CFAP47: variants seen among roughly 807,000 people sequenced by gnomAD.
The protein encoded by CFAP47 is cilia and flagella associated protein 47, also known as cilia- and flagella-associated protein 47.
Under a neutral mutation model 148.1 loss-of-function variants are expected in CFAP47, and 29 were observed. The observed-to-expected ratio is 0.20, with a 90% CI of 0.15 to 0.27. CFAP47 has a LOEUF of 0.27. Ranked by LOEUF, CFAP47 falls within the 10% of genes least tolerant of loss-of-function variation. The probability of loss-of-function intolerance (pLI) is 1.00; values close to 1 mark genes in which losing one functional copy is unlikely to be tolerated. For missense variants in CFAP47, 1,872 were observed against 1,697.5 expected (o/e 1.10, Z -1.81); for synonymous variants, 664 against 577.3 (o/e 1.15, Z -2.15).
chrX:36,229,879 C>T lies in CFAP47; in HGVS notation c.7014+1055C>T, dbSNP rs371949912. Among the ~76,000 whole-genome samples, 435 of 97,171 alleles carry T rather than the reference C, an allele frequency of 4.5e-3. 4 individuals are homozygous for T. The East Asian group carries it at 0.05, about 11-fold the overall frequency. 84.4% of individuals were successfully genotyped at this position (97,171 alleles called of 115,157 possible). ...TGCGGTGTTTGGTTTTTTGTTCTTG[C>T]GATAGTTTACTGAGAATGATGATTT... On this transcript the variant is annotated intron_variant, in intron 46 of 63. Coordinates refer to ENST00000378653, the MANE Select transcript of CFAP47 (RefSeq NM_001304548.2).
chrX:36,190,676 C>A (rs1398586771), intron 42 of CFAP47, among the ~76,000 whole-genome samples: 2 of 111,660 alleles, frequency 1.8e-5, no homozygotes, highest in Admixed American at 9.6e-5. Context: ...AAATTCATTT[C>A]CTTATGTCTC....
At chrX:36,081,451 C>T (rs943578191) in intron 29 of CFAP47, among the ~76,000 whole-genome samples, 2 of 111,304 alleles carry the variant, frequency 1.8e-5, no homozygotes, top group African/African-American at 6.5e-5. Context: ...TGATTCTATT[C>T]CAAAAAATCA....
Position 36,301,193 on chromosome X carries a change from A to G in CFAP47, c.7970+14A>G. The G allele has an allele frequency of 1.0e-6, 1 of 977,018 alleles. No homozygotes were observed. Among genetic ancestry groups the G allele is most frequent in the South Asian group, 2.2e-5 (1 of 45,533 alleles). The allele number at this position is 977,018 out of a possible 1,213,427, so 80.5% of individuals were successfully genotyped here. ...CGACCTTGGCAAGTAAGTTCTACTT[A>G]ATAGATAAAGTTATTGCTTGCAAGA... On this transcript the variant is annotated intron_variant, in intron 53 of 63. Coordinates refer to ENST00000378653, the MANE Select transcript of CFAP47 (RefSeq NM_001304548.2).
intron 19 of CFAP47, among the ~76,000 whole-genome samples, chrX:35,998,885 C>A (rs757768344): frequency 3.6e-5 from 4 of 111,272 alleles, no homozygotes; most frequent in Non-Finnish European, 7.6e-5. Flanking sequence ...TCATTTTGGG[C>A]ATGCTTTGCA....
In CFAP47 at chrX:36,228,804, C is replaced by T. The variant is rs1555991903; in HGVS notation, c.6994C>T (p.Leu2332Phe). The T allele has an allele frequency of 1.9e-6, 1 of 522,083 alleles. No individual in the cohort carries two copies. The highest frequency in any genetic ancestry group is 2.3e-5 in the African/African-American group (1 of 43,062). The allele number at this position is 522,083 out of a possible 1,213,427, so 43.0% of individuals were successfully genotyped here. Residue 2332 changes from leucine to phenylalanine, a missense_variant, in exon 46 of 64, where the codon CTT becomes TTT. Physicochemically the swap from Leu to Phe is conservative, Grantham distance 22 (BLOSUM62 0). Coordinates refer to ENST00000378653, the MANE Select transcript of CFAP47 (RefSeq NM_001304548.2). The part of the protein sequence containing the change: ...FEFETPAFEA[L>F]TQNIPIKNQT... ...GTTTGAAACACCAGCATTTGAAGCC[C>T]TTACTCAGAATATTCCAATAGTATG...
At chrX:36,162,334 CA>C (rs1366797569) in intron 39 of CFAP47, among the ~76,000 whole-genome samples, 5 of 110,859 alleles carry the variant, frequency 4.5e-5, no homozygotes, top group Non-Finnish European at 1.9e-5. Flanking sequence ...TCAAAATGTG[CA>C]AAACCAATAT....
chrX:36,295,754 T>C, intron 51 of CFAP47, among the ~76,000 whole-genome samples: 1 of 112,179 alleles, frequency 8.9e-6, no homozygotes, highest in Non-Finnish European at 1.9e-5. Context: ...AAATACAAAT[T>C]ATTCATTATG....
chrX:35,924,370 T>C lies in CFAP47; in HGVS notation c.250-1647T>C, dbSNP rs1224554016. 2.8e-5 allele frequency among the ~76,000 whole-genome samples: 3 copies of C among 105,682 alleles called. 1 individual carries two copies. Among genetic ancestry groups the C allele is most frequent in the African/African-American group, 7.3e-5 (2 of 27,319 alleles). The allele number at this position is 105,682 out of a possible 115,157, so 91.8% of individuals were successfully genotyped here. A position where few individuals can be genotyped will look rare whatever the true frequency, so the allele number is the denominator to read the frequency against. On this transcript the variant is annotated intron_variant, in intron 1 of 63. Coordinates refer to ENST00000378653, the MANE Select transcript of CFAP47 (RefSeq NM_001304548.2). ...GTGCATATGTGTATATATGTATATGTGCATATATGCACACATATGTGTATA... is the reference window on the plus strand; with the variant it reads ...GTGCATATGTGTATATATGTATATGCGCATATATGCACACATATGTGTATA...
Position 36,306,808 on chromosome X carries a change from G to C in CFAP47, c.8119G>C (p.Val2707Leu). 1.7e-6 allele frequency: 2 copies of C among 1,160,328 alleles called. No homozygotes were observed. The highest frequency in any genetic ancestry group is 2.3e-6 in the Non-Finnish European group (2 of 867,943). The change falls in exon 55 of 64, where the codon GTT becomes CTT. Residue 2707 changes from valine (V) to leucine (L), a missense_variant. Val to Leu is a conservative substitution (Grantham distance 32). Transcript: ENST00000378653. ...ISPHSTTELPVLFYPSALGRA... is the reference protein window; with the variant it reads ...ISPHSTTELPLLFYPSALGRA... The stretch of plus-strand genomic sequence containing the variant: ...TCCTCACTCCACCACAGAATTACCT[G>C]TTCTCTTTTATCCTTCTGCACTTGG...
intron 49 of CFAP47, among the ~76,000 whole-genome samples, chrX:36,265,406 T>C (rs1314844314): frequency 8.9e-6 from 1 of 111,914 alleles, no homozygotes; most frequent in Non-Finnish European, 1.9e-5. Context: ...TTCTTTATCT[T>C]GTTTGATTGC....
chrX:36,047,440 A>G (rs1480602355), intron 26 of CFAP47, among the ~76,000 whole-genome samples: 1 of 112,282 alleles, frequency 8.9e-6, no homozygotes, highest in Non-Finnish European at 1.9e-5. Context: ...ATGCTAAATA[A>G]GTGTCAACTG....
Position 35,920,033 on chromosome X carries a change from G to C in CFAP47, c.234G>C (p.Glu78Asp). Residue 78 changes from glutamate to aspartate, a missense_variant, in exon 1 of 64, where the codon GAG (glutamate) becomes GAC (aspartate). Coordinates refer to ENST00000378653, the MANE Select transcript of CFAP47 (RefSeq NM_001304548.2). The part of the protein sequence containing the change: ...CRWNQKIRFK[E>D]PVKPQFKLML... The stretch of plus-strand genomic sequence containing the variant: ...GGAACCAGAAAATCCGATTTAAGGA[G>C]CCCGTCAAGCCACAGGTGACACACT... 1.7e-6 allele frequency: 2 copies of C among 1,190,402 alleles called. No homozygotes were observed. Among genetic ancestry groups the C allele is most frequent in the African/African-American group, 1.7e-5 (1 of 57,311 alleles).
chrX:35,950,695 G>T (rs910473639), intron 4 of CFAP47, among the ~76,000 whole-genome samples: 1 of 111,347 alleles, frequency 9.0e-6, no homozygotes, highest in Non-Finnish European at 1.9e-5. Flanking sequence ...ACTGAGGTAC[G>T]TTAGATTGTA....
chrX:36,070,165 A>C (rs1937721089), intron 27 of CFAP47, among the ~76,000 whole-genome samples: 1 of 112,280 alleles, frequency 8.9e-6, no homozygotes, highest in African/African-American at 3.2e-5. Context: ...GAAACTTAGC[A>C]TATAATAGCT....
intron 21 of CFAP47, among the ~76,000 whole-genome samples, chrX:36,008,935 C>T (rs1189266532): frequency 9.0e-6 from 1 of 111,283 alleles, no homozygotes; most frequent in Admixed American, 9.6e-5. Flanking sequence ...CAGCTAGACT[C>T]ATAGTATATC....
intron 57 of CFAP47, among the ~76,000 whole-genome samples, chrX:36,340,990 CA>C (rs1941647299): frequency 1.9e-5 from 2 of 107,591 alleles, no homozygotes; most frequent in South Asian, 7.7e-4. Flanking sequence ...GTATTTAAAG[CA>C]AAAATAATAG....
At chrX:36,368,570 C>T (rs377510604) in intron 62 of CFAP47, among the ~76,000 whole-genome samples, 25 of 111,068 alleles carry the variant, frequency 2.3e-4, no homozygotes, top group African/African-American at 8.2e-4. Context: ...ACTATATGAC[C>T]TGGAATTTCT....
chrX:35,997,336 A>C lies in CFAP47; in HGVS notation c.3124A>C (p.Ile1042Leu), dbSNP rs1936860354. 6.8e-6 allele frequency: 2 copies of C among 293,776 alleles called. No homozygotes were observed. Among genetic ancestry groups the C allele is most frequent in the Non-Finnish European group, 1.2e-5 (2 of 168,553 alleles). 24.2% of individuals were successfully genotyped at this position (293,776 alleles called of 1,213,427 possible). A position where few individuals can be genotyped will look rare whatever the true frequency, so the allele number is the denominator to read the frequency against. The change falls in exon 19 of 64, where the codon ATA becomes CTA. Residue 1042 changes from isoleucine (I) to leucine (L), a missense_variant. By Grantham distance (5) the Ile-to-Leu change is conservative. Transcript: ENST00000378653. ...AKVSIRHANV[I>L]DLRIGGSAEI... is the part of the protein sequence containing the mutation. Reference sequence around the variant, plus strand: ...GGTTTCTATTCGTCATGCGAATGTTATAGACCTTAGGATTGGTGGATCTGC... The same window carrying C: ...GGTTTCTATTCGTCATGCGAATGTTCTAGACCTTAGGATTGGTGGATCTGC...
At chrX:36,009,237 T>A (rs1937013247) in intron 21 of CFAP47, among the ~76,000 whole-genome samples, 2 of 110,886 alleles carry the variant, frequency 1.8e-5, no homozygotes, top group African/African-American at 3.3e-5. Flanking sequence ...GTCCATATTA[T>A]TAATATATAA....
Sources: gnomAD v4.1 joint callset for allele counts (sites outside exome capture counted in the v4.1 genomes callset) on GRCh38, gnomAD v4.1.1 for gene constraint, MANE v1.5 for transcripts, NCBI Gene and HGNC (gene_info 2026-07-23, HGNC 2026-07-21) for gene names.